The following DNAH12 variants were observed in gnomAD, a reference collection of about 807,000 sequenced individuals.
DNAH12 encodes the protein axonemal beta dynein heavy chain 12.
A neutral mutation model predicts 371.5 loss-of-function variants in DNAH12; 285 were observed. That is an observed-to-expected ratio of 0.77 (90% CI 0.70 to 0.85). The LOEUF (loss-of-function observed/expected upper bound fraction) is 0.85. Ranked by LOEUF, DNAH12 falls within the 40% of genes least tolerant of loss-of-function variation. The pLI is 0.00. For missense variants in DNAH12, 3,611 were observed against 3,689.4 expected, an observed-to-expected ratio of 0.98 and a Z score of 0.55; for synonymous variants, 1,200 against 1,213.0, an observed-to-expected ratio of 0.99 and a Z score of 0.22.
chr3:57,444,654 G>T (rs898084216), intron 29 of DNAH12, 43 bp downstream of exon 29: 3 of 1,541,042 alleles, frequency 1.9e-6, no homozygotes, highest in Middle Eastern at 1.7e-4. Flanking sequence ...GTCATCGGAT[G>T]AATTTATTAT....
chr3:57,541,011 T>C (rs1408867917), intron 2 of DNAH12, among the ~76,000 whole-genome samples: 4 of 151,932 alleles, frequency 2.6e-5, no homozygotes, highest in African/African-American at 9.7e-5. Flanking sequence ...AATAGAATCT[T>C]AGGAATGAAG....
intron 25 of DNAH12, among the ~76,000 whole-genome samples, chr3:57,450,314 T>C (rs7651674): frequency 0.47 from 69,524 of 149,234 alleles, 17,402 homozygotes; most frequent in South Asian, 0.6. Context: ...TTTGGGAGGC[T>C]GAGGTGGGCA....
chr3:57,433,885 A>C, intron 30 of DNAH12, 57 bp from the exon 31 acceptor site: 1 of 1,358,220 alleles, frequency 7.4e-7, no homozygotes, highest in Non-Finnish European at 9.6e-7. Context: ...TAAATAATTT[A>C]TATCAGTATA....
chr3:57,495,617 T>A (rs1232755806), intron 11 of DNAH12, among the ~76,000 whole-genome samples: 3 of 146,590 alleles, frequency 2.0e-5, no homozygotes, highest in Non-Finnish European at 4.5e-5. Flanking sequence ...ATATTTTGTA[T>A]ATATTATATA....
intron 13 of DNAH12, among the ~76,000 whole-genome samples, chr3:57,483,101 A>C (rs1238112021): frequency 1.4e-4 from 2 of 14,246 alleles, no homozygotes; most frequent in Non-Finnish European, 3.2e-4. Flanking sequence ...GCAACATTGA[A>C]AAAAAAAAAA....
chr3:57,405,862 C>T lies in DNAH12; in HGVS notation c.6367G>A (p.Gly2123Ser), dbSNP rs1404986178. ...NLRDFSRVIR[G>S]CLLIERDAVA... Reference sequence around the variant, plus strand: ...GCGTCTCTTTCAATGAGTAAACAGCCCCGGATGACGCGTGAAAAATCACGC... The same window carrying T: ...GCGTCTCTTTCAATGAGTAAACAGCTCCGGATGACGCGTGAAAAATCACGC... The change falls in exon 41 of 74, where the codon GGC becomes AGC. Residue 2123 changes from glycine to serine, a missense_variant. Gly to Ser is a moderately conservative substitution (Grantham distance 56, BLOSUM62 0). Coordinates refer to ENST00000495027, the MANE Select transcript of DNAH12 (RefSeq NM_001366028.2). The T allele has an allele frequency of 6.4e-7, 1 of 1,551,296 alleles. No individual in the cohort carries two copies. The highest frequency in any genetic ancestry group is 8.7e-7 in the Non-Finnish European group (1 of 1,146,876).
At chr3:57,354,900 T>C (rs958975657) in intron 59 of DNAH12, among the ~76,000 whole-genome samples, 7 of 152,310 alleles carry the variant, frequency 4.6e-5, no homozygotes, top group Admixed American at 2.0e-4. Context: ...TGATTCTATT[T>C]ATATAAAATT....
intron 11 of DNAH12, among the ~76,000 whole-genome samples, chr3:57,491,262 C>T (rs2067116518): frequency 6.6e-6 from 1 of 151,968 alleles, no homozygotes; most frequent in Admixed American, 6.6e-5. Flanking sequence ...TTTAAGTATA[C>T]ACACATAGGT....
chr3:57,461,028 A>G (rs1056883856), intron 19 of DNAH12, among the ~76,000 whole-genome samples: 1 of 152,212 alleles, frequency 6.6e-6, no homozygotes, highest in Non-Finnish European at 1.5e-5. Context: ...CCAATAAGAT[A>G]TGAAATAATC....
At chr3:57,361,357 A>G (rs2062923232) in intron 58 of DNAH12, among the ~76,000 whole-genome samples, 1 of 150,020 alleles carries the variant, frequency 6.7e-6, no homozygotes. Flanking sequence ...CTCAAAAAAT[A>G]TATATACGTA....
chr3:57,305,772 A>ACC (rs1375694289), intron 69 of DNAH12, among the ~76,000 whole-genome samples: 2 of 152,016 alleles, frequency 1.3e-5, no homozygotes, highest in African/African-American at 4.8e-5. Flanking sequence ...CGGCCCTCAA[A>ACC]CCCCACAACA....
intron 67 of DNAH12, 53 bp from the exon 68 acceptor site, chr3:57,309,907 G>A: frequency 6.8e-7 from 1 of 1,478,954 alleles, no homozygotes; most frequent in Non-Finnish European, 9.1e-7. Context: ...TACTGAAAGG[G>A]ATGATCAGGA....
intron 60 of DNAH12, among the ~76,000 whole-genome samples, chr3:57,344,696 G>T (rs781401381): frequency 2.6e-5 from 4 of 152,166 alleles, no homozygotes; most frequent in Admixed American, 6.6e-5. Flanking sequence ...GGAACACAAA[G>T]TTAAACACCA....
chr3:57,404,157 A>AT (rs1454937232), intron 42 of DNAH12, among the ~76,000 whole-genome samples: 4 of 152,184 alleles, frequency 2.6e-5, no homozygotes, highest in African/African-American at 7.2e-5. Context: ...ACGGATGTGA[A>AT]TTTTCAAAGC....
intron 10 of DNAH12, among the ~76,000 whole-genome samples, 193 bp from the exon 11 acceptor site, chr3:57,501,605 A>T (rs2067549051): frequency 6.6e-6 from 1 of 152,194 alleles, no homozygotes; most frequent in Admixed American, 6.5e-5. Flanking sequence ...GACATTTTAA[A>T]ACAAAGGTAT....
intron 53 of DNAH12, 119 bp downstream of exon 53, chr3:57,376,862 G>C (rs1329768602): frequency 6.6e-6 from 1 of 152,168 alleles, no homozygotes; most frequent in Non-Finnish European, 1.5e-5. Flanking sequence ...GTGTCTTCCA[G>C]AATGTCCCAC....
In DNAH12 at chr3:57,310,819, A is replaced by C; in HGVS notation, c.10794T>G (p.Tyr3598Ter). The C allele has an allele frequency of 6.4e-7, 1 of 1,551,662 alleles. No individual in the cohort carries two copies. Among genetic ancestry groups the C allele is most frequent in the African/African-American group, 1.4e-5 (1 of 73,176 alleles). The change falls in exon 67 of 74, where the codon TAT becomes TAG. Residue 3598 changes from tyrosine to a stop codon, truncating the protein, a stop_gained. Coordinates refer to ENST00000495027, the MANE Select transcript of DNAH12 (RefSeq NM_001366028.2). LOFTEE classifies it high-confidence loss of function. ...GAGGGTTTTCAACTATGTACAGATTATAAAAGTCAGCCAGCATGGTTAATA... is the reference window on the plus strand; with the variant it reads ...GAGGGTTTTCAACTATGTACAGATTCTAAAAGTCAGCCAGCATGGTTAATA... Reference protein sequence around the residue: ...RLLLTMLADFYNLYIVENPHY... With the variant: ...RLLLTMLADF
At chr3:57,436,891 T>C in intron 30 of DNAH12, 60 bp downstream of exon 30, 1 of 1,165,604 alleles carries the variant, frequency 8.6e-7, no homozygotes, top group Non-Finnish European at 1.2e-6. Flanking sequence ...TCATGGATTT[T>C]AGTTGTTTTA....
rs891210867 is a variant in DNAH12 at position 57,304,399 on chromosome 3, A to G, written c.11190-2460T>C. On this transcript the variant is annotated intron_variant, in intron 69 of 73. Coordinates refer to ENST00000495027, the MANE Select transcript of DNAH12 (RefSeq NM_001366028.2). The stretch of plus-strand genomic sequence containing the variant: ...GACCAGCCCAAGGAATATCTCACCA[A>G]TTTTAAATCAGGTAAGCAGCCTTTT... 8.5e-5 allele frequency among the ~76,000 whole-genome samples: 13 copies of G among 152,166 alleles called. 1 individual carries two copies. The highest frequency in any genetic ancestry group is 1.8e-4 in the Non-Finnish European group (12 of 68,038).
Sources: allele counts gnomAD v4.1 joint callset (sites outside exome capture counted in the v4.1 genomes callset), GRCh38; gene constraint gnomAD v4.1.1; transcripts MANE v1.5; gene names NCBI Gene and HGNC (gene_info 2026-07-23, HGNC 2026-07-21).